FAM151A: variants seen among roughly 807,000 people sequenced by gnomAD.
The protein encoded by FAM151A is protein FAM151A.
A neutral mutation model predicts 40.4 loss-of-function variants in FAM151A; 41 were observed. The observed-to-expected ratio is 1.01, with a 90% confidence interval of 0.79 to 1.32. The LOEUF is 1.32. FAM151A is among the 40% of genes most tolerant of loss of function. The pLI, the probability that FAM151A is intolerant of heterozygous loss-of-function variation, is 0.00. For missense variants in FAM151A, 740 were observed against 740.4 expected (o/e 1.00, Z 0.01); for synonymous variants, 337 against 312.5 (o/e 1.08, Z -0.83).
At position 54,609,627 on chromosome 1, in the gene FAM151A, C is replaced by T; in HGVS notation, c.1399G>A (p.Val467Met). Residue 467 changes from valine to methionine, a missense_variant, in exon 8 of 8, where the codon GTG (valine) becomes ATG (methionine). Transcript: ENST00000302250. ...GTCACGTGGGGGAAGACCTCAGCCA[C>T]AGCTGTAAGCAGCTCTCTGCCAGCC... ...HVAGRELLTA[V>M]AEVFPHVTVA... 6.2e-7 allele frequency: 1 copy of T among 1,613,764 alleles called. No homozygotes were observed. The highest frequency in any genetic ancestry group is 1.1e-5 in the South Asian group (1 of 91,086).
Position 54,623,129 on chromosome 1 carries a change from A to G in FAM151A, c.118+149T>C. On this transcript the variant is annotated intron_variant, in intron 1 of 7. Transcript: ENST00000302250. ...AGGCGGAGGTTGCAGTGAGCCGAGA[A>G]TCGTGCCATTGTACTCCAGCCTGGG... The G allele has an allele frequency of 5.1e-6, 3 of 584,528 alleles. No homozygotes were observed. The South Asian group carries it at 6.3e-5, about 12-fold the overall frequency. 36.2% of individuals were successfully genotyped at this position (584,528 alleles called of 1,614,324 possible). A position where few individuals can be genotyped will look rare whatever the true frequency, so the allele number is the denominator to read the frequency against.
Position 54,610,632 on chromosome 1 carries a change from G to T in FAM151A, c.941-77C>A, listed in dbSNP as rs1360997302. On this transcript the variant is annotated intron_variant, in intron 6 of 7. Coordinates refer to ENST00000302250, the MANE Select transcript of FAM151A (RefSeq NM_176782.3). ...TTACCTGGTTGCTAGGGTCCCATAG[G>T]CCACAGCTCTACGGGCATCCTCTCT... 3.2e-6 allele frequency: 5 copies of T among 1,558,194 alleles called. No homozygotes were observed. In the African/African-American group the frequency reaches 6.8e-5, roughly 21 times the overall value.
At position 54,619,985 on chromosome 1, in the gene FAM151A, G is replaced by A. The variant is rs938399279; in HGVS notation, c.141C>T (p.Ser47=). Reference sequence around the variant, plus strand: ...GGTAGTCCAGCATGTCGGCATCAGGGCTGCAGGCCTCCAGCTCACAGCCTG... The same window carrying A: ...GGTAGTCCAGCATGTCGGCATCAGGACTGCAGGCCTCCAGCTCACAGCCTG... ...RRPGCELEAC[S]PDADMLDYLL... The change falls in exon 2 of 8, where the codon AGC becomes AGT. Residue 47 remains serine (S), a synonymous_variant. Transcript: ENST00000302250. 6.2e-7 allele frequency: 1 copy of A among 1,613,972 alleles called. No homozygotes were observed. Among genetic ancestry groups the A allele is most frequent in the Non-Finnish European group, 8.5e-7 (1 of 1,179,928 alleles).
chr1:54,611,786 G>A, intron 5 of FAM151A, 41 bp from the exon 6 acceptor site: 2 of 1,611,422 alleles, frequency 1.2e-6, no homozygotes, highest in Non-Finnish European at 1.7e-6. Context: ...TCTGGGCCCA[G>A]CAAGACCCTC....
At chr1:54,619,811 T>C in intron 2 of FAM151A, 53 bp downstream of exon 2, 1 of 1,583,034 alleles carries the variant, frequency 6.3e-7, no homozygotes, top group Non-Finnish European at 8.6e-7. Context: ...TCTCTCCCTC[T>C]GTCTTCTCTA....
intron 5 of FAM151A, 116 bp from the exon 6 acceptor site, chr1:54,611,861 T>C: frequency 1.6e-6 from 2 of 1,225,524 alleles, no homozygotes; most frequent in Middle Eastern, 2.7e-4. Flanking sequence ...TGTCCTCCAG[T>C]CGCCCACCTG....
At chr1:54,616,725 G>GT (rs1331452909) in intron 2 of FAM151A, among the ~76,000 whole-genome samples, 7 of 152,234 alleles carry the variant, frequency 4.6e-5, no homozygotes, top group African/African-American at 1.7e-4. Flanking sequence ...AATTTTTTAT[G>GT]TTTTTTCAAC....
chr1:54,612,549 A>T lies in FAM151A; in HGVS notation c.737T>A (p.Val246Glu), dbSNP rs754306397. 1.8e-5 allele frequency: 29 copies of T among 1,614,082 alleles called. No homozygotes were observed. Among genetic ancestry groups the T allele is most frequent in the Non-Finnish European group, 2.5e-5 (29 of 1,180,032 alleles). ...GGVPQRVTFP[V>E]RSSMVRAAWP... ...GGCAGCCCGCACCATGGAAGACCGT[A>T]CAGGGAAGGTGACCCTCTGGGGCAC... is the stretch of plus-strand genomic sequence containing the variant. Residue 246 changes from valine to glutamate, a missense_variant, in exon 5 of 8, where the codon GTA (valine) becomes GAA (glutamate). Val to Glu is a moderately radical substitution (Grantham distance 121, BLOSUM62 -2). Transcript: ENST00000302250.
At chr1:54,623,124 C>T (rs1644246823) in intron 1 of FAM151A, among the ~76,000 whole-genome samples, 154 bp downstream of exon 1, 2 of 151,236 alleles carry the variant, frequency 1.3e-5, no homozygotes, top group Admixed American at 6.6e-5. Flanking sequence ...TGCAGTGAGC[C>T]GAGAATCGTG....
In FAM151A at chr1:54,609,258, C is replaced by T. The variant is rs200946242; in HGVS notation, c.*10G>A. The T allele has an allele frequency of 2.5e-6, 4 of 1,599,898 alleles. No individual in the cohort carries two copies. Among genetic ancestry groups the T allele is most frequent in the African/African-American group, 2.7e-5 (2 of 74,766 alleles). ...GCCCTGAGGTCCGCTGGCCCACCAC[C>T]CCTGGGTGCTCAGTTTCTACCAACA... On this transcript the variant is annotated 3_prime_UTR_variant, in exon 8 of 8. Transcript: ENST00000302250.
At chr1:54,619,755 TA>T in intron 2 of FAM151A, 108 bp downstream of exon 2, 1 of 1,165,792 alleles carries the variant, frequency 8.6e-7, no homozygotes, top group Non-Finnish European at 1.2e-6. Context: ...GAAAGACATG[TA>T]AACAGCCATC....
chr1:54,611,836 G>A (rs1329407398), intron 5 of FAM151A, 91 bp from the exon 6 acceptor site: 15 of 1,480,762 alleles, frequency 1.0e-5, no homozygotes, highest in Middle Eastern at 2.1e-4. Context: ...TCAGCTGGGC[G>A]CAGGGTAGAG....
chr1:54,613,176 T>C (rs925015468), intron 4 of FAM151A, among the ~76,000 whole-genome samples: 3 of 151,892 alleles, frequency 2.0e-5, no homozygotes, highest in Non-Finnish European at 2.9e-5. Context: ...GGTTGGGAGT[T>C]CGAGACCAGC....
chr1:54,623,491 C>G lies in FAM151A; in HGVS notation c.-96G>C. Reference sequence around the variant, plus strand: ...TCCTGTGGGAGGCAGGAGCTCCCAGCAGCACCTAATTCTCCACCGGGCCTG... The same window carrying G: ...TCCTGTGGGAGGCAGGAGCTCCCAGGAGCACCTAATTCTCCACCGGGCCTG... On this transcript the variant is annotated 5_prime_UTR_variant, in exon 1 of 8. Coordinates refer to ENST00000302250, the MANE Select transcript of FAM151A (RefSeq NM_176782.3). The G allele has an allele frequency of 1.1e-6, 1 of 875,874 alleles. No homozygotes were observed. The highest frequency in any genetic ancestry group is 1.9e-6 in the Non-Finnish European group (1 of 530,818). 54.3% of individuals were successfully genotyped at this position (875,874 alleles called of 1,614,324 possible).
At chr1:54,614,939 G>GGTGTGT (rs71045199) in intron 3 of FAM151A, 80 bp from the exon 4 acceptor site, 545,698 of 1,205,614 alleles carry the variant, frequency 0.45, 94,754 homozygotes, top group Non-Finnish European at 0.5. Context: ...AAGCAGAGCG[G>GGTGTGT]GTGTGTGTGT....
rs79099402 is a variant in FAM151A, at chr1:54,614,851, G to A, written c.424C>T (p.Leu142=). 570 of 1,613,704 alleles carry A rather than the reference G, an allele frequency of 3.5e-4. 6 individuals are homozygous for A. The East Asian group carries it at 0.012, about 35-fold the overall frequency. The change falls in exon 4 of 8, where the codon CTG becomes TTG. Residue 142 remains leucine, a synonymous_variant. Transcript: ENST00000302250. Reference sequence around the variant, plus strand: ...ACTGCCTTGATGTTCTTGAAGTCCAGTTTGATGCCTGTGGGGAAAGGAACA... The same window carrying A: ...ACTGCCTTGATGTTCTTGAAGTCCAATTTGATGCCTGTGGGGAAAGGAACA... ...VLGSSQKGIK[L]DFKNIKAVGP...
Position 54,622,759 on chromosome 1 carries a change from G to A in FAM151A, c.118+519C>T, listed in dbSNP as rs145059641. ...CCGTCTCAAAAAAAATAGTTAACGG[G>A]ACTTTCTGCTGGGGAAGTCAACGGG... On this transcript the variant is annotated intron_variant, in intron 1 of 7. Transcript: ENST00000302250. 9.7e-3 allele frequency among the ~76,000 whole-genome samples: 1,440 copies of A among 147,926 alleles called. 8 individuals are homozygous for A. Among genetic ancestry groups the A allele is most frequent in the South Asian group, 0.021 (97 of 4,614 alleles).
intron 6 of FAM151A, chr1:54,610,808 T>C: frequency 1.0e-6 from 1 of 984,798 alleles, no homozygotes; most frequent in African/African-American, 1.7e-5. Flanking sequence ...GCTGGTATCC[T>C]TCCCGCTCGC....
chr1:54,614,648 G>A (rs2101018360), intron 4 of FAM151A, 52 bp downstream of exon 4: 2 of 1,554,798 alleles, frequency 1.3e-6, no homozygotes, highest in Non-Finnish European at 8.8e-7. Flanking sequence ...CCTGTGGTAG[G>A]TGTTGACAGA....
Sources: gnomAD v4.1 joint callset for allele counts (sites outside exome capture counted in the v4.1 genomes callset) on GRCh38, gnomAD v4.1.1 for gene constraint, MANE v1.5 for transcripts, NCBI Gene and HGNC (gene_info 2026-07-23, HGNC 2026-07-21) for gene names.